PLA2G4A: variants seen among roughly 807,000 people sequenced by gnomAD.
PLA2G4A encodes the protein phospholipase A2 group IVA.
PLA2G4A carries 40 observed loss-of-function variants against 81.9 expected under a neutral mutation model. The ratio of observed to expected loss-of-function variants is 0.49; its 90% confidence interval spans 0.38 to 0.64. The LOEUF (loss-of-function observed/expected upper bound fraction) is 0.64, where lower values mean the gene tolerates loss of function less well. Among genes scored for constraint, PLA2G4A ranks in the 30% least tolerant of loss-of-function variants. PLA2G4A has a pLI of 0.00. For synonymous variants in PLA2G4A, 302 were observed against 296.9 expected (o/e 1.02, Z -0.18); for missense variants, 715 against 905.1 (o/e 0.79, Z 2.69).
chr1:186,965,443 G>A lies in PLA2G4A; in HGVS notation c.1614G>A (p.Leu538=). The A allele has an allele frequency of 2.5e-6, 4 of 1,611,304 alleles. No homozygotes were observed. Among genetic ancestry groups the A allele is most frequent in the Non-Finnish European group, 3.4e-6 (4 of 1,177,496 alleles). The change falls in exon 15 of 18, where the codon CTG becomes CTA. Residue 538 remains leucine (L), a synonymous_variant. Transcript: ENST00000367466. ...AATTTGAGCGAATATATGAGCCTCT[G>A]GATGTCAAAAGTAAAAAGATTCATG... The part of the protein sequence containing the change: ...PDEFERIYEP[L]DVKSKKIHVV...
chr1:186,885,009 G>A lies in PLA2G4A; in HGVS notation c.116-8002G>A, dbSNP rs561936290. ...GGGAGTGATAGGGATATGGGAAGTA[G>A]CCAAGCAGTGAAGAGGCCAATAATC... On this transcript the variant is annotated intron_variant, in intron 3 of 17. Transcript: ENST00000367466. 1.6e-4 allele frequency among the ~76,000 whole-genome samples: 25 copies of A among 152,210 alleles called. 1 individual carries two copies. Among genetic ancestry groups the A allele is most frequent in the East Asian group, 1.2e-3 (6 of 5,168 alleles).
chr1:186,863,393 G>C (rs1290948413), intron 2 of PLA2G4A, among the ~76,000 whole-genome samples: 1 of 151,908 alleles, frequency 6.6e-6, no homozygotes, highest in African/African-American at 2.4e-5. Flanking sequence ...ATATTTATGG[G>C]GTACAGTATG....
At chr1:186,946,506 T>G (rs1656350920) in intron 10 of PLA2G4A, 131 bp from the exon 11 acceptor site, 3 of 755,022 alleles carry the variant, frequency 4.0e-6, no homozygotes, top group Non-Finnish European at 4.6e-6. Flanking sequence ...ATTTGGCTAA[T>G]GTTTTCATTT....
At chr1:186,916,871 C>G (rs1488885660) in intron 7 of PLA2G4A, among the ~76,000 whole-genome samples, 3 of 152,202 alleles carry the variant, frequency 2.0e-5, no homozygotes, top group Non-Finnish European at 2.9e-5. Context: ...GTGGAAGTGT[C>G]TACTATACAA....
rs760365809 is a variant in PLA2G4A at position 186,940,023 on chromosome 1, C to T, written c.962C>T (p.Thr321Ile). 4 of 1,607,246 alleles carry T rather than the reference C, an allele frequency of 2.5e-6. No homozygotes were observed. The highest frequency in any genetic ancestry group is 1.7e-6 in the Non-Finnish European group (2 of 1,173,820). The change falls in exon 10 of 18, where the codon ACT becomes ATT. Residue 321 changes from threonine to isoleucine, a missense_variant. Thr to Ile is a moderately conservative substitution (Grantham distance 89). Coordinates refer to ENST00000367466, the MANE Select transcript of PLA2G4A (RefSeq NM_024420.3). The stretch of plus-strand genomic sequence containing the variant: ...AGCAGTTTGAAGGAAAAAGTTAATA[C>T]TGCACAATGCCCTTTACCTCTTTTC... The part of the protein sequence containing the change: ...TLSSLKEKVN[T>I]AQCPLPLFTC...
At chr1:186,985,120 T>C (rs548534037) in intron 17 of PLA2G4A, among the ~76,000 whole-genome samples, 20 of 152,280 alleles carry the variant, frequency 1.3e-4, no homozygotes, top group Non-Finnish European at 2.6e-4. Flanking sequence ...TTCCCAGATG[T>C]CTCTGACGAA....
intron 3 of PLA2G4A, among the ~76,000 whole-genome samples, chr1:186,884,971 A>G (rs1653881450): frequency 6.6e-6 from 1 of 151,772 alleles, no homozygotes; most frequent in Admixed American, 6.6e-5. Context: ...AGCTGCATCT[A>G]GGTAGGTTGG....
chr1:186,849,441 G>A (rs1425406626), intron 1 of PLA2G4A, among the ~76,000 whole-genome samples: 6 of 152,192 alleles, frequency 3.9e-5, no homozygotes, highest in Admixed American at 6.5e-5. Flanking sequence ...TGGAAATGAC[G>A]TTGAGACTGA....
chr1:186,969,834 A>G (rs748906995), intron 15 of PLA2G4A, among the ~76,000 whole-genome samples: 3 of 151,948 alleles, frequency 2.0e-5, no homozygotes, highest in Non-Finnish European at 4.4e-5. Context: ...CATTGATTCC[A>G]TATTTTGGCT....
intron 8 of PLA2G4A, among the ~76,000 whole-genome samples, chr1:186,934,012 A>G (rs1442270289): frequency 1.3e-5 from 2 of 152,096 alleles, no homozygotes; most frequent in Non-Finnish European, 2.9e-5. Context: ...CATCTTCTCT[A>G]TATGTACCCT....
At chr1:186,917,962 A>G (rs1655200565) in intron 7 of PLA2G4A, among the ~76,000 whole-genome samples, 1 of 152,224 alleles carries the variant, frequency 6.6e-6, no homozygotes, top group South Asian at 2.1e-4. Context: ...CAATTCTTCA[A>G]GTGACTCTTG....
chr1:186,942,181 G>T (rs547645479), intron 10 of PLA2G4A, among the ~76,000 whole-genome samples: 8 of 152,244 alleles, frequency 5.3e-5, no homozygotes, highest in African/African-American at 1.9e-4. Context: ...CTATAATGGG[G>T]TTCATAGTAG....
intron 14 of PLA2G4A, among the ~76,000 whole-genome samples, chr1:186,963,178 G>T (rs1657020560): frequency 6.6e-6 from 1 of 152,068 alleles, no homozygotes; most frequent in Non-Finnish European, 1.5e-5. Context: ...ACCAACTAAT[G>T]AATTATAACT....
intron 7 of PLA2G4A, among the ~76,000 whole-genome samples, chr1:186,918,005 C>T (rs6686860): frequency 0.19 from 28,147 of 152,122 alleles, 4,630 homozygotes; most frequent in African/African-American, 0.44. Flanking sequence ...ATGGCCAATA[C>T]GACTGTGGCT....
intron 1 of PLA2G4A, among the ~76,000 whole-genome samples, chr1:186,848,517 T>C (rs150093179): frequency 0.014 from 2,080 of 152,262 alleles, 27 homozygotes; most frequent in Admixed American, 0.024. Flanking sequence ...CTGGGTTAAT[T>C]CTTTTTCTCT....
At chr1:186,835,708 T>C (rs1032298818) in intron 1 of PLA2G4A, among the ~76,000 whole-genome samples, 3 of 152,240 alleles carry the variant, frequency 2.0e-5, no homozygotes, top group Non-Finnish European at 2.9e-5. Flanking sequence ...TCACTTTCAA[T>C]GATCAATGGT....
chr1:186,946,903 CAG>C lies in PLA2G4A; in HGVS notation c.1209_1210del (p.Arg403SerfsTer29), dbSNP rs758355959. The part of the protein sequence containing the change: ...WGSAFSILFN[R>X]VLGVSGSQSR... ...GCAGTGCCTTTTCCATATTGTTCAA[CAG>C]AGTTTTGGGCGTTTCTGGTTCACAA... On this transcript the variant is annotated frameshift_variant, in exon 12 of 18. Coordinates refer to ENST00000367466, the MANE Select transcript of PLA2G4A (RefSeq NM_024420.3). LOFTEE classifies it high-confidence loss of function. The C allele has an allele frequency of 5.0e-6, 8 of 1,612,466 alleles. No individual in the cohort carries two copies. The highest frequency in any genetic ancestry group is 6.8e-6 in the Non-Finnish European group (8 of 1,178,816).
chr1:186,950,800 A>C, intron 13 of PLA2G4A, 72 bp downstream of exon 13: 1 of 823,788 alleles, frequency 1.2e-6, no homozygotes, highest in Non-Finnish European at 2.1e-6. Flanking sequence ...TGATTTTCTC[A>C]CTCAAGATGC....
intron 1 of PLA2G4A, among the ~76,000 whole-genome samples, chr1:186,847,217 G>A (rs1652207756): frequency 6.6e-6 from 1 of 151,888 alleles, no homozygotes; most frequent in Non-Finnish European, 1.5e-5. Context: ...TAAATAACTG[G>A]TCTGCTGTTT....
Sources: gnomAD v4.1 joint callset for allele counts (sites outside exome capture counted in the v4.1 genomes callset) on GRCh38, gnomAD v4.1.1 for gene constraint, MANE v1.5 for transcripts, NCBI Gene and HGNC (gene_info 2026-07-23, HGNC 2026-07-21) for gene names.